The following PLAC1 variants were observed in gnomAD, a reference collection of about 807,000 sequenced individuals.
PLAC1 encodes the protein placenta associated 1, also known as placenta-specific protein 1.
For missense variants in PLAC1, 136 were observed against 163.2 expected (o/e 0.83, Z 0.91); for synonymous variants, 68 against 62.1 (o/e 1.09, Z -0.44).
At chrX:134,727,496 G>A (rs2078677953) in intron 2 of PLAC1, among the ~76,000 whole-genome samples, 1 of 112,141 alleles carries the variant, frequency 8.9e-6, no homozygotes, top group African/African-American at 3.2e-5. Flanking sequence ...TTAATGCCTG[G>A]CTTTAAGTTT....
At position 134,680,545 on chromosome X, in the gene PLAC1, G is replaced by GAACTAAACTAAACTAAACTAAACTA. The variant is rs560733130; in HGVS notation, n.174+52865_174+52889dup. Among the ~76,000 whole-genome samples the GAACTAAACTAAACTAAACTAAACTA allele has an allele frequency of 2.5e-3, 122 of 49,703 alleles. 2 individuals are homozygous for GAACTAAACTAAACTAAACTAAACTA. Among genetic ancestry groups the GAACTAAACTAAACTAAACTAAACTA allele is most frequent in the African/African-American group, 5.3e-3 (103 of 19,297 alleles). 43.2% of individuals were successfully genotyped at this position (49,703 alleles called of 115,157 possible). A position where few individuals can be genotyped will look rare whatever the true frequency, so the allele number is the denominator to read the frequency against. ...AAACTAAACTGAACTAAACTAAACT[G>GAACTAAACTAAACTAAACTAAACTA]AACTAAACTAAACTAAACTAAACTA... On this transcript the variant is annotated intron_variant and non_coding_transcript_variant, in intron 2 of 2. Coordinates refer to the PLAC1 transcript ENST00000466797.
At chrX:134,645,511 C>T (rs940636059) in intron 1 of PLAC1, among the ~76,000 whole-genome samples, 17 of 111,561 alleles carry the variant, frequency 1.5e-4, no homozygotes, top group African/African-American at 5.2e-4. Context: ...TGCCTCAACC[C>T]TCTCTGACCT....
At chrX:134,672,355 C>T (rs1009252447) in intron 2 of PLAC1, among the ~76,000 whole-genome samples, 1 of 111,238 alleles carries the variant, frequency 9.0e-6, no homozygotes, top group Middle Eastern at 4.7e-3. Flanking sequence ...TGGGTGGTCC[C>T]AATACCCTAG....
At chrX:134,611,792 T>C (rs1223796251) in intron 1 of PLAC1, among the ~76,000 whole-genome samples, 1 of 110,573 alleles carries the variant, frequency 9.0e-6, no homozygotes, top group Non-Finnish European at 1.9e-5. Context: ...ACAAGGCAGG[T>C]GTAGGTTTAG....
chrX:134,629,692 AG>A (rs1339856937), intron 1 of PLAC1, among the ~76,000 whole-genome samples: 1 of 111,662 alleles, frequency 9.0e-6, no homozygotes, highest in Non-Finnish European at 1.9e-5. Flanking sequence ...TGTCAGATGC[AG>A]CCAGAGTCAC....
chrX:134,626,842 C>T (rs1324799385), intron 1 of PLAC1, among the ~76,000 whole-genome samples: 1 of 112,150 alleles, frequency 8.9e-6, no homozygotes, highest in African/African-American at 3.2e-5. Flanking sequence ...CAACTACAAA[C>T]AAAATCAAGT....
chrX:134,651,373 A>G, intron 1 of PLAC1: 1 of 148,674 alleles, frequency 6.7e-6, no homozygotes, highest in Admixed American at 7.8e-5. Context: ...GCTCATAGGT[A>G]ACGAAGTTAA....
intron 1 of PLAC1, among the ~76,000 whole-genome samples, chrX:134,632,743 C>T (rs1169423092): frequency 8.9e-6 from 1 of 111,810 alleles, no homozygotes; most frequent in South Asian, 3.8e-4. Context: ...GGAAGAAGTA[C>T]AAGGAAGCAG....
At chrX:134,656,582 T>C (rs1204380150) in intron 1 of PLAC1, among the ~76,000 whole-genome samples, 1 of 111,370 alleles carries the variant, frequency 9.0e-6, no homozygotes, top group Non-Finnish European at 1.9e-5. Context: ...TACATTTTCC[T>C]CTTTTTTTCT....
At chrX:134,662,982 A>G (rs1425665574), upstream of PLAC1, among the ~76,000 whole-genome samples, 1 of 112,019 alleles carries the variant, frequency 8.9e-6, no homozygotes, top group African/African-American at 3.2e-5. Context: ...TTAACAAAAT[A>G]TGTTTGACGA....
chrX:134,653,744 C>A (rs2078375372), intron 1 of PLAC1, among the ~76,000 whole-genome samples: 1 of 111,336 alleles, frequency 9.0e-6, no homozygotes, highest in East Asian at 2.8e-4. Context: ...GAGTTCAATT[C>A]CACAGACCAT....
intron 2 of PLAC1, among the ~76,000 whole-genome samples, chrX:134,586,839 T>TTTTGTGTGTGTGTG (rs1556045719): frequency 2.6e-5 from 2 of 76,653 alleles, no homozygotes; most frequent in Non-Finnish European, 5.0e-5. Context: ...CCCAGCTAAT[T>TTTTGTGTGTGTGTG]TGTGTGTGTG....
intron 2 of PLAC1, among the ~76,000 whole-genome samples, chrX:134,733,272 C>T (rs1250994011): frequency 9.1e-6 from 1 of 109,735 alleles, no homozygotes; most frequent in Non-Finnish European, 1.9e-5. Context: ...ACTTCCGGGG[C>T]TTAGAAGTTT....
At position 134,735,550 on chromosome X, in the gene PLAC1, A is replaced by G. The variant is rs748939220; in HGVS notation, n.90-2031T>C. On this transcript the variant is annotated intron_variant and non_coding_transcript_variant, in intron 1 of 2. Coordinates refer to the PLAC1 transcript ENST00000466797. ...AAGCTCTTCTCAAGTCCAGAGCCCA[A>G]AAAATGGATTTGCCAGGAGGAGTTT... Among the ~76,000 whole-genome samples, 8 of 111,812 alleles carry G rather than the reference A, an allele frequency of 7.2e-5. No individual in the cohort carries two copies. The South Asian group carries it at 3.0e-3, about 42-fold the overall frequency.
chrX:134,741,302 C>T (rs5975477), intron 1 of PLAC1, among the ~76,000 whole-genome samples: 11,931 of 111,236 alleles, frequency 0.11, 947 homozygotes, highest in African/African-American at 0.28. Context: ...ATACCCGTAA[C>T]GAATGTATGT....
At chrX:134,752,535 C>CT (rs1289619659) in intron 1 of PLAC1, among the ~76,000 whole-genome samples, 1 of 110,136 alleles carries the variant, frequency 9.1e-6, no homozygotes, top group African/African-American at 3.3e-5. Flanking sequence ...CTCCCCTTGG[C>CT]TTTTTTTTTC....
At chrX:134,706,052 C>A (rs1025954865) in intron 2 of PLAC1, among the ~76,000 whole-genome samples, 5 of 111,859 alleles carry the variant, frequency 4.5e-5, no homozygotes, top group African/African-American at 1.6e-4. Context: ...GAGAAGCTAG[C>A]AACCCAGTAA....
chrX:134,577,750 CGT>C (rs750817404), intron 2 of PLAC1, among the ~76,000 whole-genome samples: 7,639 of 93,561 alleles, frequency 0.082, 515 homozygotes, highest in African/African-American at 0.22. Context: ...TGCATGCATG[CGT>C]GTGTGTGTGT....
At chrX:134,711,519 TAAACTGCTC>T (rs1268300162) in intron 2 of PLAC1, among the ~76,000 whole-genome samples, 1 of 112,466 alleles carries the variant, frequency 8.9e-6, no homozygotes, top group African/African-American at 3.2e-5. Flanking sequence ...ACTAGTTGTT[TAAACTGCTC>T]AAATCTTTCT....
Sources: gnomAD v4.1 joint callset for allele counts (sites outside exome capture counted in the v4.1 genomes callset) on GRCh38, gnomAD v4.1.1 for gene constraint, MANE v1.5 for transcripts, NCBI Gene and HGNC (gene_info 2026-07-23, HGNC 2026-07-21) for gene names.